THNSL1: variants seen among roughly 807,000 people sequenced by gnomAD.
THNSL1 encodes the protein threonine synthase-like 1.
THNSL1 carries 48 observed loss-of-function variants against 50.4 expected under a neutral mutation model. The ratio of observed to expected loss-of-function variants is 0.95; its 90% CI spans 0.76 to 1.21. THNSL1 has a LOEUF of 1.21. Ranked by LOEUF, THNSL1 falls within the 50% of genes most tolerant of loss-of-function variation. THNSL1 has a pLI of 0.00. For synonymous variants in THNSL1, 309 were observed against 306.1 expected (o/e 1.01, Z -0.10); for missense variants, 896 against 871.7 (o/e 1.03, Z -0.35).
Position 25,024,128 on chromosome 10 carries a change from C to T in THNSL1, c.905C>T (p.Pro302Leu). 2.5e-6 allele frequency: 4 copies of T among 1,614,202 alleles called. No homozygotes were observed. The highest frequency in any genetic ancestry group is 3.4e-6 in the Non-Finnish European group (4 of 1,180,026). The change falls in exon 3 of 3, where the codon CCT becomes CTT. Residue 302 changes from proline (P) to leucine (L), a missense_variant. Transcript: ENST00000376356. ...AQILLERCIH[P>L]ADIPAARLGE... is the part of the protein sequence containing the mutation. ...ATACTGTTGGAAAGATGTATCCATC[C>T]TGCAGACATACCTGCTGCCAGGTTG...
the THNSL1 span, among the ~76,000 whole-genome samples, chr10:24,955,840 G>A: frequency 1.3e-5 from 2 of 152,074 alleles, no homozygotes; most frequent in African/African-American, 2.4e-5. Flanking sequence ...CTAGCTACTG[G>A]GGAGGCTGAG....
chr10:25,019,200 C>T (rs963906625), intron 1 of THNSL1, among the ~76,000 whole-genome samples: 8 of 152,174 alleles, frequency 5.3e-5, no homozygotes, highest in African/African-American at 1.9e-4. Context: ...TAGTTGGGCA[C>T]AGTGGCTCAT....
At chr10:25,016,387 A>G (rs962413502), upstream of THNSL1, among the ~76,000 whole-genome samples, 3 of 152,246 alleles carry the variant, frequency 2.0e-5, no homozygotes, top group African/African-American at 7.2e-5. Flanking sequence ...ATCCTAGTAG[A>G]GACGGCAAAG....
chr10:24,992,546 C>G, the THNSL1 span, among the ~76,000 whole-genome samples: 1 of 152,160 alleles, frequency 6.6e-6, no homozygotes, highest in Admixed American at 6.5e-5. Flanking sequence ...CGATAGGAGT[C>G]TTAAGAATTA....
At chr10:25,004,711 G>A in the THNSL1 span, among the ~76,000 whole-genome samples, 4 of 152,198 alleles carry the variant, frequency 2.6e-5, no homozygotes, top group East Asian at 7.7e-4. Context: ...CCATTCTGTA[G>A]GTTGTTTACT....
At chr10:25,003,498 C>A in the THNSL1 span, among the ~76,000 whole-genome samples, 1 of 152,132 alleles carries the variant, frequency 6.6e-6, no homozygotes, top group Admixed American at 6.6e-5. Context: ...TGAGCCACTG[C>A]GCCAAGCCTG....
chr10:24,971,272 T>A, the THNSL1 span, among the ~76,000 whole-genome samples: 3 of 147,658 alleles, frequency 2.0e-5, no homozygotes, highest in South Asian at 2.1e-4. Flanking sequence ...CTAATTTTTT[T>A]AAAATTATTT....
chr10:24,986,566 G>A, the THNSL1 span, among the ~76,000 whole-genome samples: 1 of 152,206 alleles, frequency 6.6e-6, no homozygotes, highest in Non-Finnish European at 1.5e-5. Flanking sequence ...ATTGCAGAGA[G>A]GAAGTCTATG....
the THNSL1 span, among the ~76,000 whole-genome samples, chr10:24,976,821 A>G: frequency 6.6e-6 from 1 of 152,162 alleles, no homozygotes; most frequent in Admixed American, 6.5e-5. Context: ...GTTAGTACTG[A>G]ACATCATCTT....
At chr10:24,984,989 T>A in the THNSL1 span, 12 of 1,041,422 alleles carry the variant, frequency 1.2e-5, no homozygotes, top group Non-Finnish European at 1.6e-5. Flanking sequence ...TAATGAAAAA[T>A]GTCAATAAGT....
chr10:24,970,467 T>C, the THNSL1 span, among the ~76,000 whole-genome samples: 3 of 151,990 alleles, frequency 2.0e-5, no homozygotes, highest in African/African-American at 7.3e-5. Flanking sequence ...CTCAGCACTT[T>C]GGGAGGCAGA....
chr10:25,008,921 C>T, the THNSL1 span, among the ~76,000 whole-genome samples: 1 of 152,190 alleles, frequency 6.6e-6, no homozygotes, highest in Non-Finnish European at 1.5e-5. Context: ...GAATACTATG[C>T]AGCCATAAAA....
At chr10:24,983,422 A>C in the THNSL1 span, 1 of 152,252 alleles carries the variant, frequency 6.6e-6, no homozygotes, top group Non-Finnish European at 1.5e-5. Context: ...CTATGTTAGC[A>C]AGAATTGAAT....
the THNSL1 span, among the ~76,000 whole-genome samples, chr10:24,972,943 A>G: frequency 5.9e-5 from 9 of 152,322 alleles, no homozygotes; most frequent in Non-Finnish European, 1.2e-4. Context: ...TATATACTAC[A>G]TATTTTTTTC....
chr10:24,993,967 A>G, the THNSL1 span, among the ~76,000 whole-genome samples: 2 of 152,122 alleles, frequency 1.3e-5, no homozygotes, highest in Admixed American at 1.3e-4. Context: ...ACTTTTCCCT[A>G]TCCTGTGGGA....
chr10:24,960,053 C>T, the THNSL1 span, among the ~76,000 whole-genome samples: 9,129 of 151,858 alleles, frequency 0.06, 903 homozygotes, highest in African/African-American at 0.21. Flanking sequence ...CATCCCCCAC[C>T]CCCTTTCCCA....
At chr10:24,956,477 T>TC in the THNSL1 span, among the ~76,000 whole-genome samples, 1 of 151,806 alleles carries the variant, frequency 6.6e-6, no homozygotes, top group South Asian at 2.1e-4. Flanking sequence ...TTTTTTTTTT[T>TC]GGTGTTTATA....
chr10:25,024,876 A>G lies in THNSL1; in HGVS notation c.1653A>G (p.Leu551=). 1 of 1,614,042 alleles carries G rather than the reference A, an allele frequency of 6.2e-7. No homozygotes were observed. Among genetic ancestry groups the G allele is most frequent in the Admixed American group, 1.7e-5 (1 of 60,016 alleles). Residue 551 remains leucine (L), a synonymous_variant, in exon 3 of 3, where the codon CTA becomes CTG. Transcript: ENST00000376356. ...TTATAAAAACAGGACATTATGATCT[A>G]AGGGAAAGAAAACTAGCACAAACCT... is the stretch of plus-strand genomic sequence containing the variant. ...TDFIKTGHYD[L]RERKLAQTFS... is the part of the protein sequence containing the mutation.
the THNSL1 span, among the ~76,000 whole-genome samples, chr10:24,981,361 G>T: frequency 2.1e-4 from 32 of 152,276 alleles, 1 homozygote; most frequent in South Asian, 6.6e-3. Context: ...GAATGCCTGT[G>T]CTGAGTAACT....
Sources: allele counts gnomAD v4.1 joint callset (sites outside exome capture counted in the v4.1 genomes callset), GRCh38; gene constraint gnomAD v4.1.1; transcripts MANE v1.5; gene names NCBI Gene and HGNC (gene_info 2026-07-23, HGNC 2026-07-21).